The following CADM2 variants were observed in gnomAD, a reference collection of about 807,000 sequenced individuals.
CADM2 encodes cell adhesion molecule 2.
A neutral mutation model predicts 49.8 loss-of-function variants in CADM2; 12 were observed. The observed-to-expected ratio is 0.24, with a 90% CI of 0.15 to 0.39. The LOEUF (loss-of-function observed/expected upper bound fraction) is 0.39. Ranked by LOEUF, CADM2 falls within the 10% of genes least tolerant of loss-of-function variation. The pLI is 1.00. For missense variants in CADM2, 378 were observed against 492.3 expected (o/e 0.77, Z 2.20); for synonymous variants, 214 against 175.4 (o/e 1.22, Z -1.74).
intron 1 of CADM2, among the ~76,000 whole-genome samples, chr3:85,535,067 A>G (rs2061396067): frequency 1.6e-5 from 2 of 125,276 alleles, no homozygotes; most frequent in African/African-American, 2.5e-5. Flanking sequence ...GCAGTTCACG[A>G]TGTTACTCAG....
chr3:84,973,296 G>A (rs1172398219), intron 1 of CADM2, among the ~76,000 whole-genome samples: 1 of 152,126 alleles, frequency 6.6e-6, no homozygotes, highest in Non-Finnish European at 1.5e-5. Flanking sequence ...ATATATCAAT[G>A]AGGATGTGAA....
At chr3:85,380,896 T>C (rs573307162) in intron 1 of CADM2, among the ~76,000 whole-genome samples, 208 of 152,206 alleles carry the variant, frequency 1.4e-3, no homozygotes, top group Non-Finnish European at 2.5e-3. Flanking sequence ...CACAGATAAA[T>C]TTCACATAAT....
At chr3:86,066,332 CAAAAAAAAA>C (rs10663610) in intron 9 of CADM2, among the ~76,000 whole-genome samples, 7 of 30,362 alleles carry the variant, frequency 2.3e-4, no homozygotes, top group African/African-American at 8.6e-4. Flanking sequence ...GACTCCGTCT[CAAAAAAAAA>C]AAAAAAAAAA....
intron 1 of CADM2, among the ~76,000 whole-genome samples, chr3:85,491,491 T>G (rs768886197): frequency 6.6e-5 from 10 of 152,176 alleles, no homozygotes; most frequent in Admixed American, 2.0e-4. Flanking sequence ...ACTAGAGTTA[T>G]CACATCATGT....
intron 1 of CADM2, among the ~76,000 whole-genome samples, chr3:85,503,275 A>G (rs1162819441): frequency 1.3e-5 from 2 of 152,196 alleles, no homozygotes; most frequent in East Asian, 3.8e-4. Flanking sequence ...CTGGATTTGC[A>G]TAAGCATGCT....
intron 2 of CADM2, among the ~76,000 whole-genome samples, chr3:85,784,245 C>T (rs72908512): frequency 0.04 from 6,108 of 152,090 alleles, 390 homozygotes; most frequent in African/African-American, 0.14. Flanking sequence ...CTGTAGCTTC[C>T]GATGATTTAT....
chr3:85,054,098 A>G (rs1458016315), intron 1 of CADM2, among the ~76,000 whole-genome samples: 2 of 151,966 alleles, frequency 1.3e-5, no homozygotes, highest in Non-Finnish European at 2.9e-5. Flanking sequence ...TATTATATGT[A>G]AGGCAGATAT....
intron 1 of CADM2, among the ~76,000 whole-genome samples, chr3:85,519,606 C>G (rs543258377): frequency 2.0e-5 from 3 of 151,938 alleles, no homozygotes; most frequent in Non-Finnish European, 4.4e-5. Flanking sequence ...TCATTTTAAC[C>G]TGACTCATTA....
intron 8 of CADM2, among the ~76,000 whole-genome samples, chr3:85,999,266 A>ATG (rs1553720508): frequency 1.9e-5 from 2 of 104,318 alleles, no homozygotes; most frequent in East Asian, 3.4e-4. Context: ...TGGGAGGCCG[A>ATG]GGGTTGGGGG....
At chr3:85,811,917 A>G (rs2072908115) in intron 3 of CADM2, among the ~76,000 whole-genome samples, 1 of 133,450 alleles carries the variant, frequency 7.5e-6, no homozygotes, top group Non-Finnish European at 1.6e-5. Flanking sequence ...AGTAGCTTTT[A>G]AGGAAGGCAG....
At chr3:85,990,791 A>G (rs955880481) in intron 8 of CADM2, among the ~76,000 whole-genome samples, 2 of 152,216 alleles carry the variant, frequency 1.3e-5, no homozygotes, top group African/African-American at 4.8e-5. Context: ...GCTGAAATCT[A>G]TCGTAGATAG....
intron 1 of CADM2, among the ~76,000 whole-genome samples, chr3:85,676,803 CTTCT>C (rs531706586): frequency 4.1e-4 from 63 of 152,244 alleles, no homozygotes; most frequent in African/African-American, 1.4e-3. Context: ...TGCTTTAACA[CTTCT>C]TTGTCATCCT....
intron 1 of CADM2, among the ~76,000 whole-genome samples, chr3:85,035,991 T>C (rs1016801593): frequency 1.3e-5 from 2 of 152,232 alleles, no homozygotes; most frequent in Non-Finnish European, 2.9e-5. Flanking sequence ...AGCATTCTCC[T>C]TCATAGTTAT....
chr3:85,661,450 G>A (rs139641948), intron 1 of CADM2, among the ~76,000 whole-genome samples: 1 of 151,996 alleles, frequency 6.6e-6, no homozygotes, highest in African/African-American at 2.4e-5. Flanking sequence ...GATGCTAGTT[G>A]GGCCAGATTC....
At chr3:85,461,765 T>A (rs758822958) in intron 1 of CADM2, among the ~76,000 whole-genome samples, 1 of 152,184 alleles carries the variant, frequency 6.6e-6, no homozygotes, top group Non-Finnish European at 1.5e-5. Context: ...ATTCTCTCAT[T>A]TGAAAGAAAG....
intron 1 of CADM2, among the ~76,000 whole-genome samples, chr3:85,310,814 T>C (rs901466101): frequency 7.9e-5 from 12 of 152,182 alleles, no homozygotes; most frequent in Non-Finnish European, 1.6e-4. Flanking sequence ...TCTCAGAGGC[T>C]ATTCTCTCCA....
chr3:85,683,201 A>C (rs2066088941), intron 1 of CADM2, among the ~76,000 whole-genome samples: 2 of 150,682 alleles, frequency 1.3e-5, no homozygotes, highest in South Asian at 4.2e-4. Flanking sequence ...TAACTTTTAT[A>C]TCCCCTGCTC....
At chr3:85,038,111 T>A (rs2035295332) in intron 1 of CADM2, among the ~76,000 whole-genome samples, 1 of 152,142 alleles carries the variant, frequency 6.6e-6, no homozygotes, top group South Asian at 2.1e-4. Context: ...TAAGTGATGA[T>A]TCCATAATTT....
chr3:85,581,826 CAA>C (rs113694206), intron 1 of CADM2, among the ~76,000 whole-genome samples: 3 of 133,070 alleles, frequency 2.3e-5, no homozygotes. Flanking sequence ...ATTTATACTT[CAA>C]AAAAAAAAAA....
Sources: gnomAD v4.1 joint callset for allele counts (sites outside exome capture counted in the v4.1 genomes callset) on GRCh38, gnomAD v4.1.1 for gene constraint, MANE v1.5 for transcripts, NCBI Gene and HGNC (gene_info 2026-07-23, HGNC 2026-07-21) for gene names.